TBCD: variants seen among roughly 807,000 people sequenced by gnomAD.
TBCD encodes tubulin folding cofactor D.
Under a neutral mutation model 169.3 loss-of-function variants are expected in TBCD, and 105 were observed. That is an observed-to-expected ratio of 0.62 (90% confidence interval 0.53 to 0.73). The LOEUF (loss-of-function observed/expected upper bound fraction) is 0.73. Ranked by LOEUF, TBCD falls within the 30% of genes least tolerant of loss-of-function variation. TBCD has a pLI of 0.00. For synonymous variants in TBCD, 700 were observed against 643.9 expected (o/e 1.09, Z -1.32); for missense variants, 1,444 against 1,600.1 (o/e 0.90, Z 1.66).
intron 33 of TBCD, chr17:82,931,971 A>ATT (rs1264166460): frequency 6.6e-6 from 1 of 152,630 alleles, no homozygotes; most frequent in Admixed American, 6.5e-5. Flanking sequence ...AAGTGTCTTC[A>ATT]TTTTTTTCTG....
rs1254206885 is a variant in TBCD at position 82,864,583 on chromosome 17, G to A, written c.1319-5641G>A. Among the ~76,000 whole-genome samples, 1 of 152,220 alleles carries A rather than the reference G, an allele frequency of 6.6e-6. No individual in the cohort carries two copies. The highest frequency in any genetic ancestry group is 2.4e-5 in the African/African-American group (1 of 41,462). On this transcript the variant is annotated intron_variant, in intron 13 of 38. Transcript: ENST00000355528. The surrounding 1 kb of genome is among the most constrained non-coding windows in gnomAD (Gnocchi z 6.3). ...CTTGACAGAGGGTCCTTGACTCTGC[G>A]ACCCTGCACAGTGGGTGGTGGCAGG...
chr17:82,820,682 A>C (rs1721754605), intron 13 of TBCD, among the ~76,000 whole-genome samples: 1 of 151,772 alleles, frequency 6.6e-6, no homozygotes, highest in Admixed American at 6.6e-5. Context: ...TGTTATGTTA[A>C]TACACATGTT....
chr17:82,753,833 A>T lies in TBCD; in HGVS notation c.184+1456A>T, dbSNP rs116585944. Among the ~76,000 whole-genome samples, 1,458 of 148,830 alleles carry T rather than the reference A, an allele frequency of 9.8e-3. 19 individuals carry two copies. Among genetic ancestry groups the T allele is most frequent in the African/African-American group, 0.034 (1,383 of 40,452 alleles). ...AGTTGCCATGGAGAAGATTTAGTTC[A>T]CGCAGAGCCGGTTGAAAGGGAGACT... On this transcript the variant is annotated intron_variant, in intron 1 of 38. Transcript: ENST00000355528.
chr17:82,877,788 C>T (rs1317514807), intron 14 of TBCD, among the ~76,000 whole-genome samples: 2 of 152,160 alleles, frequency 1.3e-5, no homozygotes, highest in African/African-American at 4.8e-5. Context: ...CGTGAGTTCC[C>T]TTTAATTTTA....
chr17:82,927,086 G>A (rs1448157693), intron 28 of TBCD, 100 bp from the exon 29 acceptor site: 2 of 1,540,810 alleles, frequency 1.3e-6, no homozygotes, highest in East Asian at 4.5e-5. Flanking sequence ...ACTGTTCTGA[G>A]CGTGTCTTCT....
chr17:82,906,857 T>C (rs2060287143), intron 20 of TBCD, among the ~76,000 whole-genome samples: 1 of 152,208 alleles, frequency 6.6e-6, no homozygotes, highest in Non-Finnish European at 1.5e-5. Context: ...CTGATGCCCG[T>C]GCAAGACCTG....
chr17:82,903,684 G>A lies in TBCD; in HGVS notation c.1804+206G>A, dbSNP rs1484764992. Among the ~76,000 whole-genome samples, 3 of 152,236 alleles carry A rather than the reference G, an allele frequency of 2.0e-5. No homozygotes were observed. The highest frequency in any genetic ancestry group is 2.1e-4 in the South Asian group (1 of 4,834). On this transcript the variant is annotated intron_variant, in intron 19 of 38. Coordinates refer to ENST00000355528, the MANE Select transcript of TBCD (RefSeq NM_005993.5). This position sits in a 1 kb window ranked among gnomAD's most constrained non-coding sequence, Gnocchi z 4.8. ...GTGTCCGCCTGCAGGGCAGGGAGCC[G>A]CTGAACTGTGTTACGTACACCGGAG...
chr17:82,894,652 T>G (rs1008530184), intron 17 of TBCD, among the ~76,000 whole-genome samples: 1 of 152,218 alleles, frequency 6.6e-6, no homozygotes, highest in Non-Finnish European at 1.5e-5. Context: ...TTTTGCCTTA[T>G]CAGTTCTTTC....
chr17:82,885,009 A>G (rs1358044133), intron 15 of TBCD: 1 of 152,430 alleles, frequency 6.6e-6, no homozygotes, highest in Non-Finnish European at 1.5e-5. Flanking sequence ...GGTGGGCCCC[A>G]CAGTTCCTCA....
In TBCD at chr17:82,800,978, C is replaced by A; in HGVS notation, c.932C>A (p.Pro311Gln). ...VQRLGLTFLKPKVAAWRYQRG... is the reference protein window; with the variant it reads ...VQRLGLTFLKQKVAAWRYQRG... ...CGACTGGGGCTGACATTCCTGAAGC[C>A]GAAGGTGGCAGCATGGAGGTAGGCA... Residue 311 changes from proline to glutamine, a missense_variant, in exon 9 of 39, where the codon CCG becomes CAG. Physicochemically the swap from Pro to Gln is moderately conservative, Grantham distance 76. Transcript: ENST00000355528. 3 of 1,607,030 alleles carry A rather than the reference C, an allele frequency of 1.9e-6. No individual in the cohort carries two copies. Among genetic ancestry groups the A allele is most frequent in the Non-Finnish European group, 2.5e-6 (3 of 1,177,684 alleles).
intron 37 of TBCD, among the ~76,000 whole-genome samples, chr17:82,939,795 G>GTGC (rs904245277): frequency 1.3e-5 from 2 of 152,220 alleles, no homozygotes; most frequent in Non-Finnish European, 2.9e-5. Context: ...GGCCTGGCAG[G>GTGC]TGCTGCTGCC....
intron 1 of TBCD, among the ~76,000 whole-genome samples, chr17:82,754,176 A>G (rs944339934): frequency 6.6e-6 from 1 of 152,126 alleles, no homozygotes; most frequent in African/African-American, 2.4e-5. Flanking sequence ...ATTATTACTC[A>G]GATCAGTCTC....
In TBCD at chr17:82,831,459, A is replaced by C; in HGVS notation, c.1318+16525A>C. On this transcript the variant is annotated intron_variant, in intron 13 of 38. Transcript: ENST00000355528. The surrounding 1 kb of genome is among the most constrained non-coding windows in gnomAD (Gnocchi z 4.6). The stretch of plus-strand genomic sequence containing the variant: ...GGCCAGTGACAGGTGGGAGTCTGAG[A>C]CCATAGGAGGAAAATGCAGACTCTG... 6.2e-7 allele frequency: 1 copy of C among 1,614,114 alleles called. No individual in the cohort carries two copies. The highest frequency in any genetic ancestry group is 8.5e-7 in the Non-Finnish European group (1 of 1,180,004).
chr17:82,879,777 A>G (rs1185987832), intron 14 of TBCD, among the ~76,000 whole-genome samples: 2 of 152,290 alleles, frequency 1.3e-5, no homozygotes, highest in East Asian at 3.9e-4. Context: ...TTTGGTCCTG[A>G]TAGTTTACCA....
At chr17:82,887,973 C>T (rs1243691922) in intron 15 of TBCD, among the ~76,000 whole-genome samples, 1 of 152,178 alleles carries the variant, frequency 6.6e-6, no homozygotes, top group Non-Finnish European at 1.5e-5. Flanking sequence ...GCACTCTTTA[C>T]ATATGTAGGA....
rs185485964 is a variant in TBCD, at chr17:82,834,439, A to G, written c.1318+19505A>G. ...GTCTTTAGGGTCTAAATATTTTCAA[A>G]CAGCTTAAAAATAAAGTTAAATGAC... On this transcript the variant is annotated intron_variant, in intron 13 of 38. Coordinates refer to ENST00000355528, the MANE Select transcript of TBCD (RefSeq NM_005993.5). 2.0e-5 allele frequency among the ~76,000 whole-genome samples: 3 copies of G among 152,356 alleles called. No individual in the cohort carries two copies. The East Asian group carries it at 5.8e-4, about 29-fold the overall frequency.
At chr17:82,900,069 C>T (rs2146638732) in intron 17 of TBCD, among the ~76,000 whole-genome samples, 1 of 152,278 alleles carries the variant, frequency 6.6e-6, no homozygotes, top group Middle Eastern at 3.4e-3. Flanking sequence ...ATATGGAGTG[C>T]AGGGCTTTAC....
At position 82,920,463 on chromosome 17, in the gene TBCD, G is replaced by A. The variant is rs890716048; in HGVS notation, c.2039-93G>A. ...GGCGGGTGAGGGGCAGGAGCTGGCC[G>A]CACACAACTCAGAATGTGGCAAAGG... On this transcript the variant is annotated intron_variant, in intron 23 of 38. Coordinates refer to ENST00000355528, the MANE Select transcript of TBCD (RefSeq NM_005993.5). The surrounding 1 kb of genome is among the most constrained non-coding windows in gnomAD (Gnocchi z 4.1). 11 of 1,104,524 alleles carry A rather than the reference G, an allele frequency of 1.0e-5. No homozygotes were observed. Among genetic ancestry groups the A allele is most frequent in the Admixed American group, 6.9e-5 (3 of 43,472 alleles). 68.4% of individuals were successfully genotyped at this position (1,104,524 alleles called of 1,614,324 possible).
chr17:82,903,411 C>T lies in TBCD; in HGVS notation c.1737C>T (p.Ile579=). The part of the protein sequence containing the change: ...TMKISHWDGV[I]RELAARALHN... Reference sequence around the variant, plus strand: ...ATTCTCTCCTCACTCTCAGGGTCATCCGAGAGTTGGCTGCGAGGGCGCTGC... The same window carrying T: ...ATTCTCTCCTCACTCTCAGGGTCATTCGAGAGTTGGCTGCGAGGGCGCTGC... The change falls in exon 19 of 39, where the codon ATC becomes ATT. Residue 579 remains isoleucine, a synonymous_variant. Coordinates refer to ENST00000355528, the MANE Select transcript of TBCD (RefSeq NM_005993.5). The surrounding 1 kb of genome is among the most constrained non-coding windows in gnomAD (Gnocchi z 4.8). 5 of 1,602,128 alleles carry T rather than the reference C, an allele frequency of 3.1e-6. No individual in the cohort carries two copies. The highest frequency in any genetic ancestry group is 1.7e-4 in the Middle Eastern group (1 of 6,042).
Sources: gnomAD v4.1 joint callset for allele counts (sites outside exome capture counted in the v4.1 genomes callset) on GRCh38, gnomAD v4.1.1 for gene constraint, Gnocchi (gnomAD v3.1) non-coding constraint, MANE v1.5 for transcripts, NCBI Gene and HGNC (gene_info 2026-07-23, HGNC 2026-07-21) for gene names.